The following FOXN2 variants were observed in gnomAD, a reference collection of about 807,000 sequenced individuals.
FOXN2 encodes forkhead box protein N2.
In FOXN2, 19 loss-of-function variants were observed where a neutral mutation model predicts 41.2. The ratio of observed to expected loss-of-function variants is 0.46; its 90% CI spans 0.32 to 0.68. The LOEUF (loss-of-function observed/expected upper bound fraction) is 0.68. Among genes scored for constraint, FOXN2 ranks in the 30% least tolerant of loss-of-function variants. The pLI, the probability that FOXN2 is intolerant of heterozygous loss-of-function variation, is 0.03. For missense variants in FOXN2, 587 were observed against 509.4 expected (o/e 1.15, Z -1.47); for synonymous variants, 195 against 176.8 (o/e 1.10, Z -0.82).
Position 48,362,650 on chromosome 2 carries a change from T to G in FOXN2, c.646T>G (p.Leu216Val). 1 of 1,613,844 alleles carries G rather than the reference T, an allele frequency of 6.2e-7. No individual in the cohort carries two copies. Among genetic ancestry groups the G allele is most frequent in the South Asian group, 1.1e-5 (1 of 91,050 alleles). ...TTTCTGTTTGTTTTTCAGTGGTTCT[T>G]TATCACCTCACTATTTAAGCTCTGT... is the stretch of plus-strand genomic sequence containing the variant. The part of the protein sequence containing the change: ...FSSASSQNGS[L>V]SPHYLSSVIK... The change falls in exon 5 of 7, where the codon TTA becomes GTA. Residue 216 changes from leucine to valine, a missense_variant. Physicochemically the swap from Leu to Val is conservative, Grantham distance 32. Transcript: ENST00000340553.
intron 3 of FOXN2, among the ~76,000 whole-genome samples, chr2:48,354,383 C>T (rs774480092): frequency 1.6e-4 from 25 of 152,282 alleles, no homozygotes; most frequent in Middle Eastern, 3.4e-3. Flanking sequence ...GGGCGGATCA[C>T]GAGGTCAAGA....
chr2:48,325,590 C>T (rs555617901), intron 1 of FOXN2, among the ~76,000 whole-genome samples: 127 of 152,138 alleles, frequency 8.3e-4, no homozygotes, highest in Non-Finnish European at 1.5e-3. Context: ...TAAAGTCTAA[C>T]ATCTCATTTT....
chr2:48,360,574 T>A (rs1466915420), intron 4 of FOXN2, among the ~76,000 whole-genome samples: 1 of 152,180 alleles, frequency 6.6e-6, no homozygotes, highest in Non-Finnish European at 1.5e-5. Flanking sequence ...TTTACCATAT[T>A]ATAGATTAGA....
In FOXN2 at chr2:48,362,649, T is replaced by G. The variant is rs373117220; in HGVS notation, c.645T>G (p.Ser215=). The change falls in exon 5 of 7, where the codon TCT becomes TCG. Residue 215 remains serine, a synonymous_variant. Transcript: ENST00000340553. ...TTTTCTGTTTGTTTTTCAGTGGTTC[T>G]TTATCACCTCACTATTTAAGCTCTG... is the stretch of plus-strand genomic sequence containing the variant. The part of the protein sequence containing the change: ...PFSSASSQNG[S]LSPHYLSSVI... The G allele has an allele frequency of 6.2e-7, 1 of 1,613,712 alleles. No individual in the cohort carries two copies. The highest frequency in any genetic ancestry group is 8.5e-7 in the Non-Finnish European group (1 of 1,179,814).
At position 48,362,779 on chromosome 2, in the gene FOXN2, A is replaced by G. The variant is rs754864260; in HGVS notation, c.703+72A>G. On this transcript the variant is annotated intron_variant, in intron 5 of 6. Transcript: ENST00000340553. ...GGTCAACAACAGGCAGTGCATAACA[A>G]TGGTGGTCCCCTAAGATTATAATGG... 1.5e-4 allele frequency: 183 copies of G among 1,225,510 alleles called. 1 individual carries two copies. The highest frequency in any genetic ancestry group is 1.9e-4 in the Middle Eastern group (1 of 5,292). The allele number at this position is 1,225,510 out of a possible 1,614,324, so 75.9% of individuals were successfully genotyped here. A position where few individuals can be genotyped will look rare whatever the true frequency, so the allele number is the denominator to read the frequency against.
At position 48,360,433 on chromosome 2, in the gene FOXN2, G is replaced by A. The variant is rs575580687; in HGVS notation, c.638+1286G>A. ...GCAATCATCAACGTTTCATATAGTG[G>A]TTAATTTGAATTCTTAAAGTATTGT... On this transcript the variant is annotated intron_variant, in intron 4 of 6. Coordinates refer to ENST00000340553, the MANE Select transcript of FOXN2 (RefSeq NM_002158.4). Among the ~76,000 whole-genome samples, 9 of 152,254 alleles carry A rather than the reference G, an allele frequency of 5.9e-5. No individual in the cohort carries two copies. In the South Asian group the frequency reaches 1.9e-3, roughly 32 times the overall value.
intron 1 of FOXN2, among the ~76,000 whole-genome samples, chr2:48,327,147 A>G (rs896809164): frequency 3.3e-5 from 5 of 151,998 alleles, no homozygotes; most frequent in Admixed American, 1.3e-4. Context: ...TCCTACTTGG[A>G]TATCTCACAA....
chr2:48,322,962 C>T (rs1417113376), intron 1 of FOXN2, among the ~76,000 whole-genome samples: 2 of 149,974 alleles, frequency 1.3e-5, no homozygotes, highest in Non-Finnish European at 3.0e-5. Flanking sequence ...AGTATGAATG[C>T]TTTCATTTAT....
rs1157194479 is a variant in FOXN2, at chr2:48,316,860, C to A, written c.-157+2046C>A. On this transcript the variant is annotated intron_variant, in intron 1 of 6. Coordinates refer to ENST00000340553, the MANE Select transcript of FOXN2 (RefSeq NM_002158.4). ...TTAAACCACAGGAACCATTTAAAAT[C>A]TGCACAAGAACTGTATAGAGAAGTT... Among the ~76,000 whole-genome samples the A allele has an allele frequency of 3.3e-5, 5 of 152,174 alleles. No homozygotes were observed. In the South Asian group the frequency reaches 8.3e-4, roughly 25 times the overall value.
chr2:48,369,916 T>G (rs760886687), intron 5 of FOXN2, among the ~76,000 whole-genome samples: 3 of 151,826 alleles, frequency 2.0e-5, no homozygotes, highest in Non-Finnish European at 4.4e-5. Context: ...TGAAGGATCG[T>G]TTGAGCCTGG....
chr2:48,371,164 G>A (rs1446434995), intron 5 of FOXN2, among the ~76,000 whole-genome samples: 4 of 152,158 alleles, frequency 2.6e-5, no homozygotes, highest in Non-Finnish European at 4.4e-5. Flanking sequence ...TTGGGAGGCC[G>A]AGGCAGGCAG....
intron 1 of FOXN2, among the ~76,000 whole-genome samples, chr2:48,321,076 A>G (rs967120039): frequency 1.3e-5 from 2 of 151,964 alleles, no homozygotes; most frequent in Non-Finnish European, 2.9e-5. Flanking sequence ...CATCTACTAT[A>G]TTTATTCATT....
At chr2:48,346,101 C>A (rs1049129911) in intron 2 of FOXN2, 100 bp from the exon 3 acceptor site, 1 of 1,047,170 alleles carries the variant, frequency 9.5e-7, no homozygotes, top group Non-Finnish European at 1.4e-6. Context: ...CAATTGATTG[C>A]AAAATTTCTC....
At chr2:48,322,017 C>T (rs144680839) in intron 1 of FOXN2, among the ~76,000 whole-genome samples, 65 of 152,252 alleles carry the variant, frequency 4.3e-4, no homozygotes, top group African/African-American at 1.3e-3. Context: ...GGCGTGATCT[C>T]GGCTTATTGC....
In FOXN2 at chr2:48,359,163, A is replaced by G. The variant is rs532746626; in HGVS notation, c.638+16A>G. On this transcript the variant is annotated intron_variant, in intron 4 of 6. Coordinates refer to ENST00000340553, the MANE Select transcript of FOXN2 (RefSeq NM_002158.4). ...CTTCACAAAAGTAAGGATCTTCCAT[A>G]TAACTGTCAGTGGTGATTTATAGGA... The G allele has an allele frequency of 6.3e-6, 10 of 1,576,214 alleles. No individual in the cohort carries two copies. Among genetic ancestry groups the G allele is most frequent in the African/African-American group, 2.7e-5 (2 of 74,210 alleles).
At chr2:48,335,288 G>A (rs1469008583) in intron 2 of FOXN2, among the ~76,000 whole-genome samples, 2 of 152,162 alleles carry the variant, frequency 1.3e-5, no homozygotes, top group Admixed American at 6.6e-5. Flanking sequence ...AATGAAAATA[G>A]TAATTGAAAT....
chr2:48,341,994 A>C (rs923847842), intron 2 of FOXN2, among the ~76,000 whole-genome samples: 2 of 152,150 alleles, frequency 1.3e-5, no homozygotes, highest in African/African-American at 4.8e-5. Context: ...CCTTTTTAAG[A>C]TTTGATTTTT....
At chr2:48,327,612 A>G (rs1669762061) in intron 1 of FOXN2, among the ~76,000 whole-genome samples, 1 of 151,906 alleles carries the variant, frequency 6.6e-6, no homozygotes, top group Admixed American at 6.6e-5. Flanking sequence ...CGCCCAGCTA[A>G]TTTTGTATTT....
chr2:48,333,888 G>GGTGTGT (rs150519800), intron 2 of FOXN2, among the ~76,000 whole-genome samples: 3 of 150,412 alleles, frequency 2.0e-5, no homozygotes, highest in African/African-American at 7.3e-5. Flanking sequence ...TAGGATGTGA[G>GGTGTGT]GTGTGTGTGT....
Sources: gnomAD v4.1 joint callset for allele counts (sites outside exome capture counted in the v4.1 genomes callset) on GRCh38, gnomAD v4.1.1 for gene constraint, MANE v1.5 for transcripts, NCBI Gene and HGNC (gene_info 2026-07-23, HGNC 2026-07-21) for gene names.